The following RNLS variants were observed in gnomAD, a reference collection of about 807,000 sequenced individuals.
RNLS encodes the protein renalase, FAD dependent amine oxidase.
Under a neutral mutation model 39.8 loss-of-function variants are expected in RNLS, and 39 were observed. That is an observed-to-expected ratio of 0.98 (90% CI 0.76 to 1.28). The LOEUF (loss-of-function observed/expected upper bound fraction) is 1.28. Ranked by LOEUF, RNLS falls within the 50% of genes most tolerant of loss-of-function variation. RNLS has a pLI of 0.00. For missense variants in RNLS, 410 were observed against 413.3 expected (o/e 0.99, Z 0.07); for synonymous variants, 147 against 150.7 (o/e 0.98, Z 0.18).
At chr10:88,344,975 A>C (rs1474646032) in intron 5 of RNLS, among the ~76,000 whole-genome samples, 1 of 152,138 alleles carries the variant, frequency 6.6e-6, no homozygotes, top group Admixed American at 6.6e-5. Context: ...TATATAAATG[A>C]GCACATATAT....
At chr10:88,295,910 T>C (rs1844064629) in intron 6 of RNLS, among the ~76,000 whole-genome samples, 1 of 152,186 alleles carries the variant, frequency 6.6e-6, no homozygotes, top group South Asian at 2.1e-4. Flanking sequence ...GAGGACTTGT[T>C]CAGAAGAAGC....
chr10:88,465,930 C>A (rs1405535447), intron 4 of RNLS, among the ~76,000 whole-genome samples: 1 of 151,948 alleles, frequency 6.6e-6, no homozygotes, highest in African/African-American at 2.4e-5. Context: ...TCAGGTCAAC[C>A]ACTACTGGCC....
At chr10:88,172,811 C>T in the RNLS span, among the ~76,000 whole-genome samples, 4 of 72,972 alleles carry the variant, frequency 5.5e-5, no homozygotes, top group Non-Finnish European at 5.5e-5. Context: ...AGTTTGGGGT[C>T]TTACATTTAA....
At chr10:88,505,444 T>C (rs553497523) in intron 4 of RNLS, among the ~76,000 whole-genome samples, 2 of 150,740 alleles carry the variant, frequency 1.3e-5, no homozygotes, top group South Asian at 4.2e-4. Flanking sequence ...TGCATGTGTG[T>C]TGGAGAAAGG....
rs539568778 is a variant in RNLS, at chr10:88,504,166, C to G, written c.526+68737G>C. ...ACTCATGAGAGATCCTGAATCAAGA[C>G]AGCTAAGCTACTTAGATTACTTATA... On this transcript the variant is annotated intron_variant, in intron 4 of 6. Transcript: ENST00000331772. 2.0e-5 allele frequency among the ~76,000 whole-genome samples: 3 copies of G among 152,250 alleles called. No individual in the cohort carries two copies. In the South Asian group the frequency reaches 6.2e-4, roughly 32 times the overall value.
chr10:88,484,611 G>T (rs941466721), intron 4 of RNLS, among the ~76,000 whole-genome samples: 2 of 151,948 alleles, frequency 1.3e-5, no homozygotes, highest in African/African-American at 4.8e-5. Context: ...AAGAGTAAGT[G>T]CCACAAGACA....
At chr10:88,266,069 A>C in the RNLS span, among the ~76,000 whole-genome samples, 1 of 152,164 alleles carries the variant, frequency 6.6e-6, no homozygotes, top group Non-Finnish European at 1.5e-5. Context: ...TATCTAGGGC[A>C]CTTTATTGGC....
At chr10:88,227,458 C>T in the RNLS span, among the ~76,000 whole-genome samples, 1 of 152,214 alleles carries the variant, frequency 6.6e-6, no homozygotes, top group African/African-American at 2.4e-5. Flanking sequence ...CCAGCATCCT[C>T]AGCTAATGTC....
rs143795851 is a variant in RNLS, at chr10:88,421,045, G to A, written c.527-58320C>T. On this transcript the variant is annotated intron_variant, in intron 4 of 6. Coordinates refer to ENST00000331772, the MANE Select transcript of RNLS (RefSeq NM_001031709.3). ...GACCACTGAGGAACGTCCCACCCCTGTTTCATGGGATAAGAAAAGTATCAG... is the reference window on the plus strand; with the variant it reads ...GACCACTGAGGAACGTCCCACCCCTATTTCATGGGATAAGAAAAGTATCAG... Among the ~76,000 whole-genome samples the A allele has an allele frequency of 6.6e-5, 10 of 152,320 alleles. No individual in the cohort carries two copies. In the South Asian group the frequency reaches 2.1e-3, roughly 32 times the overall value.
intron 5 of RNLS, among the ~76,000 whole-genome samples, chr10:88,319,530 C>T (rs923028985): frequency 6.6e-6 from 1 of 151,418 alleles, no homozygotes; most frequent in South Asian, 2.1e-4. Context: ...TACAAAGAAA[C>T]CAGAAAAACA....
intron 4 of RNLS, among the ~76,000 whole-genome samples, chr10:88,394,430 A>G (rs553073571): frequency 6.6e-6 from 1 of 152,340 alleles, no homozygotes; most frequent in South Asian, 2.1e-4. Flanking sequence ...GCAGCCAAAA[A>G]ACACATGAAA....
the RNLS span, among the ~76,000 whole-genome samples, chr10:88,216,772 AAAC>A: frequency 1.4e-4 from 21 of 152,144 alleles, no homozygotes; most frequent in African/African-American, 4.1e-4. Context: ...CCAACCTGCT[AAAC>A]AACAACAACA....
chr10:88,539,947 C>T (rs546639909), intron 4 of RNLS, among the ~76,000 whole-genome samples: 3 of 152,096 alleles, frequency 2.0e-5, no homozygotes, highest in South Asian at 4.1e-4. Flanking sequence ...TTTAATACTA[C>T]AGCCCGTAAA....
At chr10:88,322,906 C>G (rs1846291228) in intron 5 of RNLS, among the ~76,000 whole-genome samples, 1 of 152,080 alleles carries the variant, frequency 6.6e-6, no homozygotes, top group Non-Finnish European at 1.5e-5. Flanking sequence ...CCAAAGGACT[C>G]CTAGACCTGA....
At chr10:88,553,500 G>C (rs898459130) in intron 4 of RNLS, among the ~76,000 whole-genome samples, 2 of 152,032 alleles carry the variant, frequency 1.3e-5, no homozygotes, top group Non-Finnish European at 1.5e-5. Flanking sequence ...AAAAAGAGAA[G>C]TATAACAATC....
At chr10:88,423,220 G>A (rs540615365) in intron 4 of RNLS, among the ~76,000 whole-genome samples, 91 of 152,230 alleles carry the variant, frequency 6.0e-4, no homozygotes, top group Non-Finnish European at 1.2e-3. Flanking sequence ...TACTGTTAAT[G>A]ACCCTGACTT....
At chr10:88,305,928 G>C (rs765199585) in intron 6 of RNLS, among the ~76,000 whole-genome samples, 6 of 152,126 alleles carry the variant, frequency 3.9e-5, no homozygotes, top group African/African-American at 7.2e-5. Context: ...ATTATAGGAA[G>C]TAAAAAACTC....
chr10:88,298,037 T>A (rs918407532), intron 6 of RNLS, among the ~76,000 whole-genome samples: 5 of 152,168 alleles, frequency 3.3e-5, no homozygotes, highest in Non-Finnish European at 7.4e-5. Context: ...TGAAATAGTA[T>A]CTTATTGTGA....
At chr10:88,486,685 G>C (rs1331822573) in intron 4 of RNLS, among the ~76,000 whole-genome samples, 5 of 152,106 alleles carry the variant, frequency 3.3e-5, no homozygotes, top group Non-Finnish European at 7.4e-5. Context: ...AGTCAGAATG[G>C]CTACTATTAA....
Sources: allele counts gnomAD v4.1 joint callset (sites outside exome capture counted in the v4.1 genomes callset), GRCh38; gene constraint gnomAD v4.1.1; transcripts MANE v1.5; gene names NCBI Gene and HGNC (gene_info 2026-07-23, HGNC 2026-07-21).